CMKLR1: variants seen among roughly 807,000 people sequenced by gnomAD.
The protein encoded by CMKLR1 is chemerin chemokine-like receptor 1, also known as chemerin-like receptor 1.
CMKLR1 carries 6 observed loss-of-function variants against 8.2 expected under a neutral mutation model. The ratio of observed to expected loss-of-function variants is 0.73; its 90% CI spans 0.40 to 1.44. The LOEUF (loss-of-function observed/expected upper bound fraction) is 1.44. Ranked by LOEUF, CMKLR1 falls within the 40% of genes most tolerant of loss-of-function variation. The pLI, the probability that CMKLR1 is intolerant of heterozygous loss-of-function variation, is 0.02. For synonymous variants in CMKLR1, 178 were observed against 181.2 expected, an observed-to-expected ratio of 0.98 and a Z score of 0.14; for missense variants, 429 against 478.0, an observed-to-expected ratio of 0.90 and a Z score of 0.96.
chr12:108,336,567 ACACT>A (rs1409957741), intron 1 of CMKLR1, among the ~76,000 whole-genome samples: 3 of 152,188 alleles, frequency 2.0e-5, no homozygotes, highest in South Asian at 2.1e-4. Context: ...AAAAAAAGAA[ACACT>A]CACAATTATT....
intron 1 of CMKLR1, among the ~76,000 whole-genome samples, chr12:108,337,971 T>A (rs1892268718): frequency 6.6e-6 from 1 of 151,860 alleles, no homozygotes. Flanking sequence ...AGGTAGGGGA[T>A]GCAAAAGGGA....
At chr12:108,306,783 C>T (rs999679486) in intron 2 of CMKLR1, among the ~76,000 whole-genome samples, 11 of 152,206 alleles carry the variant, frequency 7.2e-5, no homozygotes, top group Non-Finnish European at 8.8e-5. Flanking sequence ...CAGACCCAGA[C>T]GGAACCAAGT....
In CMKLR1 at chr12:108,288,959, C is replaced by CG. The variant is rs1229288472; in HGVS notation, c.*2881_*2882insC. ...AACAGAAACTCACTTTCTGCACCCC[C>CG]CCCCCACCTTGCTATGATGGTCCCC... On this transcript the variant is annotated 3_prime_UTR_variant, in exon 4 of 4. Transcript: ENST00000550402. 4 of 151,730 alleles carry CG rather than the reference C, an allele frequency of 2.6e-5. No homozygotes were observed. The highest frequency in any genetic ancestry group is 4.4e-5 in the Non-Finnish European group (3 of 68,246). 9.4% of individuals were successfully genotyped at this position (151,730 alleles called of 1,614,324 possible). A position where few individuals can be genotyped will look rare whatever the true frequency, so the allele number is the denominator to read the frequency against.
intron 2 of CMKLR1, among the ~76,000 whole-genome samples, chr12:108,327,113 C>A (rs963332178): frequency 6.6e-6 from 1 of 152,160 alleles, no homozygotes; most frequent in Non-Finnish European, 1.5e-5. Context: ...ATAGAACCCA[C>A]CAAAGAGCAA....
chr12:108,338,373 A>G (rs1162657538), intron 1 of CMKLR1, among the ~76,000 whole-genome samples: 1 of 152,226 alleles, frequency 6.6e-6, no homozygotes, highest in Non-Finnish European at 1.5e-5. Context: ...GAGAATCAAC[A>G]CTAACAAAGA....
intron 2 of CMKLR1, among the ~76,000 whole-genome samples, chr12:108,321,288 A>G (rs1425720917): frequency 2.6e-5 from 4 of 152,156 alleles, no homozygotes; most frequent in Non-Finnish European, 5.9e-5. Context: ...TAATAATGTA[A>G]TGCAACATTT....
intron 2 of CMKLR1, among the ~76,000 whole-genome samples, chr12:108,301,462 T>A (rs912462169): frequency 2.6e-5 from 4 of 152,052 alleles, no homozygotes; most frequent in African/African-American, 9.7e-5. Context: ...GCAGACCATG[T>A]CTTACCTGAA....
At chr12:108,332,364 G>A (rs534938830) in intron 1 of CMKLR1, among the ~76,000 whole-genome samples, 1 of 152,322 alleles carries the variant, frequency 6.6e-6, no homozygotes, top group South Asian at 2.1e-4. Context: ...TGGGCAATGT[G>A]GTGAGACCCT....
Position 108,339,268 on chromosome 12 carries a change from C to T in CMKLR1, c.-528G>A, listed in dbSNP as rs1892300411. 1 of 152,452 alleles carries T rather than the reference C, an allele frequency of 6.6e-6. No individual in the cohort carries two copies. Among genetic ancestry groups the T allele is most frequent in the Non-Finnish European group, 1.5e-5 (1 of 68,204 alleles). The allele number at this position is 152,452 out of a possible 1,614,324, so 9.4% of individuals were successfully genotyped here. On this transcript the variant is annotated 5_prime_UTR_variant, in exon 1 of 4. Transcript: ENST00000550402. The stretch of plus-strand genomic sequence containing the variant: ...CCGGAGGCTTCCCAGGGAGCCTGCT[C>T]TGTCCTGAGCTCCCTGCTGGCCGCC...
intron 2 of CMKLR1, among the ~76,000 whole-genome samples, chr12:108,317,647 C>A (rs1285563513): frequency 6.6e-6 from 1 of 152,214 alleles, no homozygotes; most frequent in Admixed American, 6.5e-5. Flanking sequence ...AAACCACGGG[C>A]CTTAGAATTT....
chr12:108,329,591 A>G (rs10219516), intron 2 of CMKLR1, among the ~76,000 whole-genome samples: 66,541 of 151,958 alleles, frequency 0.44, 14,912 homozygotes, highest in Admixed American at 0.54. Flanking sequence ...ATGGCCCAGT[A>G]GTCACTTACT....
intron 2 of CMKLR1, among the ~76,000 whole-genome samples, chr12:108,311,340 C>T (rs1891566229): frequency 6.6e-6 from 1 of 152,192 alleles, no homozygotes; most frequent in Non-Finnish European, 1.5e-5. Context: ...GGAGACTGGG[C>T]ACAGTGGCTC....
chr12:108,297,815 T>C (rs1293978494), intron 2 of CMKLR1, among the ~76,000 whole-genome samples: 1 of 152,180 alleles, frequency 6.6e-6, no homozygotes, highest in Non-Finnish European at 1.5e-5. Flanking sequence ...CTTTGTCACA[T>C]TCCTGGTCCT....
chr12:108,333,507 T>C (rs754923311), intron 1 of CMKLR1, among the ~76,000 whole-genome samples: 1 of 152,212 alleles, frequency 6.6e-6, no homozygotes, highest in Non-Finnish European at 1.5e-5. Context: ...CAAAGCTCAC[T>C]GTCCCAAAAA....
intron 2 of CMKLR1, among the ~76,000 whole-genome samples, chr12:108,310,164 T>C (rs1423883508): frequency 8.0e-5 from 3 of 37,398 alleles, no homozygotes; most frequent in Non-Finnish European, 1.6e-4. Flanking sequence ...GGTTAGGGGC[T>C]GTGTGTGTGT....
Position 108,291,650 on chromosome 12 carries a change from C to A in CMKLR1, c.*191G>T. ...ATTGCTAGTCCAAGGCTGTATGGAA[C>A]ACAGCATGTTCTGTCCACTAGAAGA... On this transcript the variant is annotated 3_prime_UTR_variant, in exon 4 of 4. Coordinates refer to ENST00000550402, the MANE Select transcript of CMKLR1 (RefSeq NM_001142343.2). 1 of 633,368 alleles carries A rather than the reference C, an allele frequency of 1.6e-6. No individual in the cohort carries two copies. Among genetic ancestry groups the A allele is most frequent in the Non-Finnish European group, 2.7e-6 (1 of 364,460 alleles). The allele number at this position is 633,368 out of a possible 1,614,324, so 39.2% of individuals were successfully genotyped here.
At chr12:108,337,458 G>A (rs531560516) in intron 1 of CMKLR1, among the ~76,000 whole-genome samples, 17 of 152,094 alleles carry the variant, frequency 1.1e-4, no homozygotes, top group Non-Finnish European at 2.5e-4. Context: ...GACTGAGGAT[G>A]CAGAAAAAAA....
chr12:108,308,804 C>A (rs1337105704), intron 2 of CMKLR1, among the ~76,000 whole-genome samples: 1 of 152,286 alleles, frequency 6.6e-6, no homozygotes, highest in African/African-American at 2.4e-5. Flanking sequence ...CTCCTGTTTC[C>A]CTTCCTCCAT....
chr12:108,319,171 C>A (rs1566026728), intron 2 of CMKLR1, among the ~76,000 whole-genome samples: 1 of 152,178 alleles, frequency 6.6e-6, no homozygotes, highest in Non-Finnish European at 1.5e-5. Flanking sequence ...ATGCAGGTTT[C>A]CAAGGCTCAT....
Sources: gnomAD v4.1 joint callset for allele counts (sites outside exome capture counted in the v4.1 genomes callset) on GRCh38, gnomAD v4.1.1 for gene constraint, MANE v1.5 for transcripts, NCBI Gene and HGNC (gene_info 2026-07-23, HGNC 2026-07-21) for gene names.